BRINP3: variants seen among roughly 807,000 people sequenced by gnomAD.
The protein encoded by BRINP3 is BMP/retinoic acid inducible neural specific 3.
Under a neutral mutation model 71.0 loss-of-function variants are expected in BRINP3, and 19 were observed. The ratio of observed to expected loss-of-function variants is 0.27; its 90% confidence interval spans 0.19 to 0.39. The LOEUF is 0.39. Among genes scored for constraint, BRINP3 ranks in the 10% least tolerant of loss-of-function variants. The pLI, the probability that BRINP3 is intolerant of heterozygous loss-of-function variation, is 1.00. For missense variants in BRINP3, 959 were observed against 940.8 expected, an observed-to-expected ratio of 1.02 and a Z score of -0.25; for synonymous variants, 380 against 337.7, an observed-to-expected ratio of 1.13 and a Z score of -1.37.
At chr1:190,206,319 C>CTAAATAAATAAATAAA (rs1025445259) in intron 6 of BRINP3, among the ~76,000 whole-genome samples, 5 of 151,458 alleles carry the variant, frequency 3.3e-5, no homozygotes, top group African/African-American at 1.2e-4. Flanking sequence ...TCCTATTCTG[C>CTAAATAAATAAATAAA]TAAATAAATA....
intron 4 of BRINP3, among the ~76,000 whole-genome samples, chr1:190,238,135 C>T (rs975301674): frequency 1.3e-5 from 2 of 151,978 alleles, no homozygotes; most frequent in Admixed American, 1.3e-4. Context: ...CTCTATTATA[C>T]TGTCCACTTC....
At chr1:190,169,658 C>G (rs1651846195) in intron 6 of BRINP3, among the ~76,000 whole-genome samples, 1 of 152,154 alleles carries the variant, frequency 6.6e-6, no homozygotes, top group Admixed American at 6.6e-5. Flanking sequence ...GTACCAATCA[C>G]TGTGCTACTT....
intron 4 of BRINP3, among the ~76,000 whole-genome samples, chr1:190,258,082 C>A (rs1211947861): frequency 6.6e-6 from 1 of 152,230 alleles, no homozygotes; most frequent in Admixed American, 6.5e-5. Flanking sequence ...CTATGCCCTG[C>A]CCCCAGAGGT....
At chr1:190,351,462 A>T (rs2102049890) in intron 2 of BRINP3, among the ~76,000 whole-genome samples, 1 of 152,296 alleles carries the variant, frequency 6.6e-6, no homozygotes, top group African/African-American at 2.4e-5. Flanking sequence ...AAATTCTGAC[A>T]AAGCAAAATC....
In BRINP3 at chr1:190,281,510, G is replaced by A. The variant is rs371638262; in HGVS notation, c.427+50C>T. On this transcript the variant is annotated intron_variant, in intron 3 of 7. Coordinates refer to ENST00000367462, the MANE Select transcript of BRINP3 (RefSeq NM_199051.3). Reference sequence around the variant, plus strand: ...ATTAACACTTTTCTGCGATTTATACGGTTTTAGGCACAAGCACACACAGGC... The same window carrying A: ...ATTAACACTTTTCTGCGATTTATACAGTTTTAGGCACAAGCACACACAGGC... 2.7e-4 allele frequency: 414 copies of A among 1,527,052 alleles called. 1 individual carries two copies. Among genetic ancestry groups the A allele is most frequent in the Non-Finnish European group, 2.4e-4 (266 of 1,119,018 alleles). 94.6% of individuals were successfully genotyped at this position (1,527,052 alleles called of 1,614,324 possible). A position where few individuals can be genotyped will look rare whatever the true frequency, so the allele number is the denominator to read the frequency against.
At chr1:190,444,816 T>TGA (rs1461433637) in intron 2 of BRINP3, among the ~76,000 whole-genome samples, 1 of 152,134 alleles carries the variant, frequency 6.6e-6, no homozygotes, top group Admixed American at 6.5e-5. Context: ...ATTACAGGCG[T>TGA]GAGCCACCGC....
At chr1:190,282,591 A>G (rs1663122433) in intron 2 of BRINP3, among the ~76,000 whole-genome samples, 1 of 152,050 alleles carries the variant, frequency 6.6e-6, no homozygotes, top group Admixed American at 6.6e-5. Context: ...AAATAATCAA[A>G]TAAAATGTTA....
chr1:190,383,048 A>C (rs1244295789), intron 2 of BRINP3, among the ~76,000 whole-genome samples: 1 of 152,096 alleles, frequency 6.6e-6, no homozygotes, highest in Admixed American at 6.6e-5. Context: ...TGGTATATGA[A>C]AGGAGGCCCT....
intron 2 of BRINP3, among the ~76,000 whole-genome samples, chr1:190,325,687 G>GTATA (rs1666535599): frequency 6.6e-6 from 1 of 152,030 alleles, no homozygotes; most frequent in Non-Finnish European, 1.5e-5. Flanking sequence ...GAAGACAGTT[G>GTATA]TATAATATGT....
intron 6 of BRINP3, among the ~76,000 whole-genome samples, chr1:190,194,470 T>C (rs1179085362): frequency 1.3e-5 from 2 of 152,138 alleles, no homozygotes; most frequent in Non-Finnish European, 2.9e-5. Context: ...GAAAAACTAC[T>C]GTGAAAATAT....
chr1:190,207,475 A>T (rs1417290682), intron 6 of BRINP3, among the ~76,000 whole-genome samples: 1 of 152,092 alleles, frequency 6.6e-6, no homozygotes, highest in Non-Finnish European at 1.5e-5. Context: ...GATTTTTGCC[A>T]ACAGCAGGGT....
At chr1:190,178,218 A>G (rs1050567996) in intron 6 of BRINP3, among the ~76,000 whole-genome samples, 1 of 152,158 alleles carries the variant, frequency 6.6e-6, no homozygotes, top group Non-Finnish European at 1.5e-5. Flanking sequence ...AGTACTATGG[A>G]CCTATAATTT....
At chr1:190,119,449 T>C (rs1281667251) in intron 7 of BRINP3, among the ~76,000 whole-genome samples, 1 of 152,048 alleles carries the variant, frequency 6.6e-6, no homozygotes, top group Non-Finnish European at 1.5e-5. Context: ...CTAATTTTTC[T>C]ATTTTTAGTA....
intron 6 of BRINP3, among the ~76,000 whole-genome samples, chr1:190,198,164 C>G (rs1030443761): frequency 3.9e-5 from 6 of 152,064 alleles, no homozygotes; most frequent in African/African-American, 4.8e-5. Flanking sequence ...GGAACCAAGT[C>G]TCAAGACTGC....
intron 6 of BRINP3, among the ~76,000 whole-genome samples, chr1:190,198,427 G>A (rs1571336643): frequency 6.6e-6 from 1 of 152,190 alleles, no homozygotes; most frequent in East Asian, 1.9e-4. Context: ...GAACTTTTAT[G>A]CTCTGCTTTC....
intron 2 of BRINP3, among the ~76,000 whole-genome samples, chr1:190,448,192 T>C (rs973284767): frequency 1.3e-5 from 2 of 151,868 alleles, no homozygotes; most frequent in Middle Eastern, 3.4e-3. Flanking sequence ...GCAAACAGTT[T>C]AATTGATTTC....
In BRINP3 at chr1:190,256,442, A is replaced by G. The variant is rs1043764224; in HGVS notation, c.618+8423T>C. 5.9e-5 allele frequency among the ~76,000 whole-genome samples: 9 copies of G among 152,056 alleles called. No homozygotes were observed. The East Asian group carries it at 1.7e-3, about 29-fold the overall frequency. ...CTGATAGGTCTTGACTCTGTATCCA[A>G]TTTGCCACTCTGTGTTTTTAATTGG... On this transcript the variant is annotated intron_variant, in intron 4 of 7. Coordinates refer to ENST00000367462, the MANE Select transcript of BRINP3 (RefSeq NM_199051.3).
intron 4 of BRINP3, among the ~76,000 whole-genome samples, chr1:190,251,106 C>T (rs905327849): frequency 7.3e-5 from 11 of 151,454 alleles, no homozygotes; most frequent in Admixed American, 5.3e-4. Context: ...AAGTAAAACA[C>T]CCTTAATTTG....
chr1:190,230,355 A>C (rs1427826852), intron 5 of BRINP3, among the ~76,000 whole-genome samples: 1 of 151,966 alleles, frequency 6.6e-6, no homozygotes. Flanking sequence ...AGCTAAGTAA[A>C]AATGACCAGC....
Sources: gnomAD v4.1 joint callset for allele counts (sites outside exome capture counted in the v4.1 genomes callset) on GRCh38, gnomAD v4.1.1 for gene constraint, MANE v1.5 for transcripts, NCBI Gene and HGNC (gene_info 2026-07-23, HGNC 2026-07-21) for gene names.